Variants in LAMA3 observed in about 807,000 individuals in gnomAD.
LAMA3 encodes laminin subunit alpha-3.
A neutral mutation model predicts 402.0 loss-of-function variants in LAMA3; 281 were observed. That is an observed-to-expected ratio of 0.70 (90% CI 0.63 to 0.77). The LOEUF (loss-of-function observed/expected upper bound fraction) is 0.77, where lower values mean the gene tolerates loss of function less well. LAMA3 is among the 30% of genes least tolerant of loss of function. The pLI is 0.00. For missense variants in LAMA3, 3,840 were observed against 4,215.5 expected (o/e 0.91, Z 2.47); for synonymous variants, 1,431 against 1,558.4 (o/e 0.92, Z 1.93).
intron 12 of LAMA3, among the ~76,000 whole-genome samples, chr18:23,792,274 C>T (rs1458677571): frequency 1.3e-5 from 2 of 152,114 alleles, no homozygotes; most frequent in East Asian, 3.8e-4. Flanking sequence ...ATTTAGTTCA[C>T]AATTCTGCGG....
chr18:23,819,846 A>G lies in LAMA3; in HGVS notation c.2153A>G (p.Glu718Gly). The G allele has an allele frequency of 6.2e-7, 1 of 1,614,044 alleles. No homozygotes were observed. The highest frequency in any genetic ancestry group is 8.5e-7 in the Non-Finnish European group (1 of 1,179,886). ...TTACTTTTTAATTATGAAAGGCCTG[A>G]AAACAACTACTATTTCCCAGATTTG... ...HVVGKVCQRP[E>G]NNYYFPDLHH... The change falls in exon 19 of 75, where the codon GAA (glutamate) becomes GGA (glycine). Residue 718 changes from glutamate (E) to glycine (G), a missense_variant. Physicochemically the swap from Glu to Gly is moderately conservative, Grantham distance 98. Around this residue, in one of 3 missense-constraint regions of LAMA3, gnomAD observed 2,109 missense variants for 2,376.0 expected, o/e 0.89. Transcript: ENST00000313654.
chr18:23,827,477 C>A lies in LAMA3; in HGVS notation c.2823+10C>A. 1 of 1,613,678 alleles carries A rather than the reference C, an allele frequency of 6.2e-7. No individual in the cohort carries two copies. The highest frequency in any genetic ancestry group is 1.3e-5 in the African/African-American group (1 of 75,016). ...CCTCAGCGGGAGAGAGGTGGGCCAG[C>A]CTTTTATTTATTATCAAAGTTATTA... On this transcript the variant is annotated intron_variant, in intron 23 of 74. Transcript: ENST00000313654.
chr18:23,954,465 G>C, intron 74 of LAMA3, 38 bp from the exon 75 acceptor site: 1 of 1,501,008 alleles, frequency 6.7e-7, no homozygotes, highest in Non-Finnish European at 9.2e-7. Flanking sequence ...TGGACAGTAT[G>C]AATTATTTAC....
In LAMA3 at chr18:23,950,040, T is replaced by C. The variant is rs538133914; in HGVS notation, c.9523T>C (p.Leu3175=). The C allele has an allele frequency of 6.8e-6, 11 of 1,614,212 alleles. No individual in the cohort carries two copies. The South Asian group carries it at 1.2e-4, about 18-fold the overall frequency. The change falls in exon 72 of 75, where the codon TTG becomes CTG. Residue 3175 remains leucine (L), a synonymous_variant. Transcript: ENST00000313654. ...GGHVVLAHSV[L]LGPEFKLVFS... is the part of the protein sequence containing the mutation. Reference sequence around the variant, plus strand: ...TTCTCTTTTGAAAGCTCACTCTGTATTGTTGGGGCCAGAATTTAAGCTTGT... The same window carrying C: ...TTCTCTTTTGAAAGCTCACTCTGTACTGTTGGGGCCAGAATTTAAGCTTGT...
At chr18:23,852,155 G>C (rs1030028257) in intron 32 of LAMA3, among the ~76,000 whole-genome samples, 1 of 152,176 alleles carries the variant, frequency 6.6e-6, no homozygotes, top group South Asian at 2.1e-4. Context: ...ATGTTCAGAT[G>C]ATATTGATGC....
chr18:23,865,099 A>G (rs2064322584), intron 36 of LAMA3, among the ~76,000 whole-genome samples: 1 of 152,188 alleles, frequency 6.6e-6, no homozygotes, highest in African/African-American at 2.4e-5. Flanking sequence ...CCTCCAAAGT[A>G]CTTAACCGTA....
intron 62 of LAMA3, among the ~76,000 whole-genome samples, chr18:23,926,493 C>G (rs2082007520): frequency 6.6e-6 from 1 of 152,232 alleles, no homozygotes. Flanking sequence ...TAGGCTTATA[C>G]TGTAATGCCA....
chr18:23,920,515 T>C (rs1490519407), intron 60 of LAMA3, among the ~76,000 whole-genome samples: 2 of 151,994 alleles, frequency 1.3e-5, no homozygotes, highest in Non-Finnish European at 2.9e-5. Flanking sequence ...AACCAACAAA[T>C]GAGACAGAGA....
At chr18:23,822,156 C>G in intron 19 of LAMA3, 96 bp from the exon 20 acceptor site, 1 of 1,348,968 alleles carries the variant, frequency 7.4e-7, no homozygotes, top group Non-Finnish European at 1.1e-6. Context: ...CATTACAAGT[C>G]CAGTAGTGAC....
intron 52 of LAMA3, among the ~76,000 whole-genome samples, chr18:23,906,261 T>C (rs2081245616): frequency 6.6e-6 from 1 of 152,156 alleles, no homozygotes; most frequent in Non-Finnish European, 1.5e-5. Context: ...GATCATGGCA[T>C]TGGCAACCCC....
At chr18:23,802,837 G>A (rs904811256) in intron 12 of LAMA3, among the ~76,000 whole-genome samples, 2 of 152,178 alleles carry the variant, frequency 1.3e-5, no homozygotes, top group Non-Finnish European at 2.9e-5. Context: ...ATGATTCAGA[G>A]CAGATACTGC....
At chr18:23,892,370 T>G (rs376137264) in intron 42 of LAMA3, among the ~76,000 whole-genome samples, 10 of 152,084 alleles carry the variant, frequency 6.6e-5, no homozygotes, top group African/African-American at 2.4e-4. Flanking sequence ...TAGAGTTTTG[T>G]TGTTGTTGTT....
At chr18:23,783,282 A>G (rs2062473002) in intron 11 of LAMA3, among the ~76,000 whole-genome samples, 1 of 152,200 alleles carries the variant, frequency 6.6e-6, no homozygotes, top group Non-Finnish European at 1.5e-5. Context: ...AAAGCAAGTC[A>G]CAGACCAATA....
intron 25 of LAMA3, chr18:23,837,331 A>C (rs997244472): frequency 4.0e-6 from 2 of 499,162 alleles, no homozygotes; most frequent in Non-Finnish European, 7.2e-6. Flanking sequence ...CCGTTTCATT[A>C]GTTTTTATTC....
intron 35 of LAMA3, among the ~76,000 whole-genome samples, chr18:23,862,417 C>T (rs912475740): frequency 6.6e-6 from 1 of 152,238 alleles, no homozygotes; most frequent in Admixed American, 6.5e-5. Flanking sequence ...CATGAGGTGA[C>T]ATATGTTTCT....
At position 23,899,042 on chromosome 18, in the gene LAMA3, A is replaced by G. The variant is rs1237495784; in HGVS notation, c.5813A>G (p.Lys1938Arg). 1 of 1,613,734 alleles carries G rather than the reference A, an allele frequency of 6.2e-7. No homozygotes were observed. The highest frequency in any genetic ancestry group is 8.5e-7 in the Non-Finnish European group (1 of 1,179,640). Residue 1938 changes from lysine to arginine, a missense_variant, in exon 46 of 75, where the codon AAA (lysine) becomes AGA (arginine). Physicochemically the swap from Lys to Arg is conservative, Grantham distance 26 (BLOSUM62 2). This residue lies in a region of LAMA3 where 891 missense variants were observed against 857.5 expected (regional missense o/e 1.04). Coordinates refer to ENST00000313654, the MANE Select transcript of LAMA3 (RefSeq NM_198129.4). ...GCAAAAGAACTGGATGTGAAGATTA[A>G]AAATGTCATCCGGAATGTGCACAGT... ...QSAKELDVKI[K>R]NVIRNVHILL...
intron 38 of LAMA3, among the ~76,000 whole-genome samples, chr18:23,874,360 T>G (rs1400646301): frequency 6.6e-6 from 1 of 152,234 alleles, no homozygotes; most frequent in Non-Finnish European, 1.5e-5. Context: ...CATGTAAATC[T>G]CAATTGTGCT....
At chr18:23,889,134 T>C (rs1012670782) in intron 41 of LAMA3, among the ~76,000 whole-genome samples, 12 of 150,818 alleles carry the variant, frequency 8.0e-5, no homozygotes, top group Admixed American at 5.9e-4. Flanking sequence ...TATGCAGACT[T>C]GACATAGTGC....
At position 23,833,904 on chromosome 18, in the gene LAMA3, C is replaced by G; in HGVS notation, c.2900C>G (p.Ala967Gly). 6.2e-7 allele frequency: 1 copy of G among 1,614,110 alleles called. No individual in the cohort carries two copies. The highest frequency in any genetic ancestry group is 8.5e-7 in the Non-Finnish European group (1 of 1,180,030). Residue 967 changes from alanine (A) to glycine (G), a missense_variant, in exon 24 of 75, where the codon GCT becomes GGT. This residue lies in a region of LAMA3 where 2,109 missense variants were observed against 2,376.0 expected (regional missense o/e 0.89). Transcript: ENST00000313654. ...GTGGTCGAGTATTCCACGGAGGCAG[C>G]TCAGCTGTTTGTGGTTGATGTGAAT... ...VVVVEYSTEA[A>G]QLFVVDVNVK...
Sources: gnomAD v4.1 joint callset for allele counts (sites outside exome capture counted in the v4.1 genomes callset) on GRCh38, gnomAD v4.1.1 for gene constraint, gnomAD v4.1.1 regional missense constraint, MANE v1.5 for transcripts, NCBI Gene and HGNC (gene_info 2026-07-23, HGNC 2026-07-21) for gene names.